Variants in PRDM16 observed in about 807,000 individuals in gnomAD.
PRDM16 encodes the protein PR/SET domain 16.
A neutral mutation model predicts 110.6 loss-of-function variants in PRDM16; 23 were observed. That is an observed-to-expected ratio of 0.21 (90% CI 0.15 to 0.29). The LOEUF (loss-of-function observed/expected upper bound fraction) is 0.29, where lower values mean the gene tolerates loss of function less well. Ranked by LOEUF, PRDM16 falls within the 10% of genes least tolerant of loss-of-function variation. The probability of loss-of-function intolerance (pLI) is 1.00; values close to 1 mark genes in which losing one functional copy is unlikely to be tolerated. For synonymous variants in PRDM16, 799 were observed against 781.8 expected (o/e 1.02, Z -0.37); for missense variants, 1,615 against 1,794.3 (o/e 0.90, Z 1.81).
chr1:3,284,944 C>T (rs1569992846), intron 3 of PRDM16, among the ~76,000 whole-genome samples: 1 of 152,226 alleles, frequency 6.6e-6, no homozygotes, highest in Admixed American at 6.5e-5. Context: ...GGCTGTAAGC[C>T]CTGAGTGACC....
intron 3 of PRDM16, among the ~76,000 whole-genome samples, chr1:3,312,362 T>A (rs1641482106): frequency 6.6e-6 from 1 of 152,200 alleles, no homozygotes; most frequent in African/African-American, 2.4e-5. Context: ...GACATGAGGA[T>A]CACTGGGACA....
intron 3 of PRDM16, among the ~76,000 whole-genome samples, chr1:3,357,156 C>T (rs1044431204): frequency 1.3e-5 from 2 of 152,110 alleles, no homozygotes; most frequent in Non-Finnish European, 2.9e-5. Flanking sequence ...TGTCTGGGGC[C>T]GGGCCCTGGG....
At chr1:3,108,800 C>T (rs1027955096) in intron 1 of PRDM16, among the ~76,000 whole-genome samples, 1 of 152,024 alleles carries the variant, frequency 6.6e-6, no homozygotes, top group Non-Finnish European at 1.5e-5. Flanking sequence ...GAGGCAGTGC[C>T]CCCTTAGTGC....
intron 16 of PRDM16, among the ~76,000 whole-genome samples, chr1:3,433,459 A>G (rs1352937040): frequency 4.6e-5 from 7 of 150,600 alleles, no homozygotes; most frequent in South Asian, 4.2e-4. Flanking sequence ...CTGCCTGTCC[A>G]GGATGGCCTG....
chr1:3,348,832 C>T (rs968981544), intron 3 of PRDM16, among the ~76,000 whole-genome samples: 4 of 152,200 alleles, frequency 2.6e-5, no homozygotes, highest in East Asian at 1.9e-4. Flanking sequence ...CAGAGCTTCC[C>T]GCATCTGCAG....
chr1:3,421,071 CGGGG>C (rs1213678340), intron 12 of PRDM16, among the ~76,000 whole-genome samples: 2 of 152,210 alleles, frequency 1.3e-5, no homozygotes, highest in African/African-American at 4.8e-5. Flanking sequence ...GTGCTTCCAT[CGGGG>C]GCTGCACGCG....
chr1:3,096,066 C>A (rs1312409291), intron 1 of PRDM16, among the ~76,000 whole-genome samples: 1 of 152,130 alleles, frequency 6.6e-6, no homozygotes, highest in Non-Finnish European at 1.5e-5. Flanking sequence ...GTCCTGGCTG[C>A]CTGTCACCCC....
intron 3 of PRDM16, among the ~76,000 whole-genome samples, chr1:3,330,377 C>T (rs781231367): frequency 6.6e-6 from 1 of 152,216 alleles, no homozygotes; most frequent in Non-Finnish European, 1.5e-5. Flanking sequence ...GCAAGGCGTC[C>T]GCTCAAGGCC....
chr1:3,097,170 C>G (rs1039140745), intron 1 of PRDM16, among the ~76,000 whole-genome samples: 1 of 152,202 alleles, frequency 6.6e-6, no homozygotes, highest in Admixed American at 6.5e-5. Context: ...AAGGGCAGAG[C>G]TGAGGAGCCT....
At chr1:3,127,799 C>T (rs554586058) in intron 1 of PRDM16, among the ~76,000 whole-genome samples, 3 of 152,336 alleles carry the variant, frequency 2.0e-5, no homozygotes, top group South Asian at 2.1e-4. Context: ...AAAGGCAGAG[C>T]GTCCCCATGG....
In PRDM16 at chr1:3,318,575, G is replaced by A. The variant is rs564998578; in HGVS notation, c.439-66577G>A. 6.4e-4 allele frequency among the ~76,000 whole-genome samples: 95 copies of A among 149,084 alleles called. 1 individual carries two copies. Among genetic ancestry groups the A allele is most frequent in the African/African-American group, 9.6e-4 (37 of 38,674 alleles). On this transcript the variant is annotated intron_variant, in intron 3 of 16. Transcript: ENST00000270722. The stretch of plus-strand genomic sequence containing the variant: ...GCTATCTATTGATCATCTATCAGTC[G>A]ATTGATCATCTATCACTCATCTGTC...
chr1:3,109,525 C>A (rs374446133), intron 1 of PRDM16, among the ~76,000 whole-genome samples: 20 of 152,306 alleles, frequency 1.3e-4, no homozygotes, highest in South Asian at 1.0e-3. Context: ...TAATAACTGT[C>A]TAATACTAAA....
At chr1:3,070,961 C>T (rs1043721121) in intron 1 of PRDM16, among the ~76,000 whole-genome samples, 2 of 152,246 alleles carry the variant, frequency 1.3e-5, no homozygotes, top group Non-Finnish European at 2.9e-5. Context: ...CAAGACCGGG[C>T]GTTTCGCCGC....
chr1:3,340,286 C>T (rs1642245931), intron 3 of PRDM16, among the ~76,000 whole-genome samples: 1 of 152,094 alleles, frequency 6.6e-6, no homozygotes, highest in Non-Finnish European at 1.5e-5. Context: ...GCCACCATTG[C>T]CCCTCGGAGG....
At chr1:3,078,671 G>A (rs1225513765) in intron 1 of PRDM16, among the ~76,000 whole-genome samples, 3 of 152,254 alleles carry the variant, frequency 2.0e-5, no homozygotes, top group Non-Finnish European at 4.4e-5. Context: ...TCTAGTACCT[G>A]TGGCAGGCAG....
At position 3,437,284 on chromosome 1, in the gene PRDM16, A is replaced by C. The variant is rs1219206004; in HGVS notation, c.*3473A>C. 3 of 232,720 alleles carry C rather than the reference A, an allele frequency of 1.3e-5. No individual in the cohort carries two copies. The highest frequency in any genetic ancestry group is 6.1e-5 in the East Asian group (1 of 16,518). The allele number at this position is 232,720 out of a possible 1,614,324, so 14.4% of individuals were successfully genotyped here. A position where few individuals can be genotyped will look rare whatever the true frequency, so the allele number is the denominator to read the frequency against. On this transcript the variant is annotated 3_prime_UTR_variant, in exon 17 of 17. Coordinates refer to ENST00000270722, the MANE Select transcript of PRDM16 (RefSeq NM_022114.4). ...CACGTCCCCAGAGTCCAGCCCTGGA[A>C]ATTCCAAGGGCCCTGGCGTCCTCTG... is the stretch of plus-strand genomic sequence containing the variant.
At chr1:3,274,695 A>G (rs1467058227) in intron 3 of PRDM16, among the ~76,000 whole-genome samples, 1 of 151,974 alleles carries the variant, frequency 6.6e-6, no homozygotes, top group African/African-American at 2.4e-5. Flanking sequence ...ATTATTACAG[A>G]CTCTGTCTGC....
At chr1:3,147,749 C>T (rs1294751950) in intron 1 of PRDM16, among the ~76,000 whole-genome samples, 1 of 152,168 alleles carries the variant, frequency 6.6e-6, no homozygotes. Flanking sequence ...GTCAGGCCAC[C>T]TCCCCCAGGG....
In PRDM16 at chr1:3,370,688, T is replaced by C. The variant is rs1044977418; in HGVS notation, c.439-14464T>C. 6.6e-6 allele frequency among the ~76,000 whole-genome samples: 1 copy of C among 152,194 alleles called. No individual in the cohort carries two copies. Among genetic ancestry groups the C allele is most frequent in the Admixed American group, 6.5e-5 (1 of 15,284 alleles). ...TTCCCAGGAGAGGTGTCCTGTGCTC[T>C]GCCACCATGACAACTCCTGGAATGG... On this transcript the variant is annotated intron_variant, in intron 3 of 16. Coordinates refer to ENST00000270722, the MANE Select transcript of PRDM16 (RefSeq NM_022114.4). This position sits in a 1 kb window ranked among gnomAD's most constrained non-coding sequence, Gnocchi z 4.8.
Sources: gnomAD v4.1 joint callset for allele counts (sites outside exome capture counted in the v4.1 genomes callset) on GRCh38, gnomAD v4.1.1 for gene constraint, Gnocchi (gnomAD v3.1) non-coding constraint, MANE v1.5 for transcripts, NCBI Gene and HGNC (gene_info 2026-07-23, HGNC 2026-07-21) for gene names.